Variants in EPHA5 observed in about 807,000 individuals in gnomAD.
The protein encoded by EPHA5 is ephrin type-A receptor 5.
EPHA5 carries 60 observed loss-of-function variants against 105.0 expected under a neutral mutation model. The ratio of observed to expected loss-of-function variants is 0.57; its 90% confidence interval spans 0.46 to 0.71. EPHA5 has a LOEUF of 0.71. Ranked by LOEUF, EPHA5 falls within the 30% of genes least tolerant of loss-of-function variation. The probability of loss-of-function intolerance (pLI) is 0.00; values close to 1 mark genes in which losing one functional copy is unlikely to be tolerated. For missense variants in EPHA5, 1,218 were observed against 1,274.7 expected, an observed-to-expected ratio of 0.96 and a Z score of 0.68; for synonymous variants, 513 against 449.1, an observed-to-expected ratio of 1.14 and a Z score of -1.80.
chr4:65,335,453 G>A (rs750742892), intron 15 of EPHA5, among the ~76,000 whole-genome samples: 2 of 151,998 alleles, frequency 1.3e-5, no homozygotes, highest in South Asian at 4.2e-4. Context: ...TGTGCAACTG[G>A]ATAAGAGCAA....
At chr4:65,518,417 TCACA>T (rs150740850) in intron 3 of EPHA5, among the ~76,000 whole-genome samples, 4 of 150,024 alleles carry the variant, frequency 2.7e-5, no homozygotes, top group Non-Finnish European at 6.0e-5. Flanking sequence ...GTACTTATAT[TCACA>T]CACACACACA....
chr4:65,605,734 T>A (rs559077889), intron 2 of EPHA5, among the ~76,000 whole-genome samples: 1 of 152,182 alleles, frequency 6.6e-6, no homozygotes, highest in South Asian at 2.1e-4. Flanking sequence ...AATGGCACTG[T>A]ATGGGTCTTG....
chr4:65,511,609 A>G (rs918268288), intron 3 of EPHA5, among the ~76,000 whole-genome samples: 1 of 152,210 alleles, frequency 6.6e-6, no homozygotes, highest in Non-Finnish European at 1.5e-5. Flanking sequence ...TGTTTACTCT[A>G]TAACCCCAAT....
At chr4:65,498,561 A>T (rs1366681121) in intron 3 of EPHA5, among the ~76,000 whole-genome samples, 1 of 151,856 alleles carries the variant, frequency 6.6e-6, no homozygotes, top group Non-Finnish European at 1.5e-5. Context: ...TCCAGTAGTG[A>T]TCAATAAAAC....
intron 3 of EPHA5, among the ~76,000 whole-genome samples, chr4:65,566,851 C>T (rs1369678345): frequency 1.3e-5 from 2 of 151,618 alleles, no homozygotes; most frequent in Non-Finnish European, 3.0e-5. Context: ...GGTACATTGA[C>T]ATTTGTTACA....
intron 5 of EPHA5, among the ~76,000 whole-genome samples, chr4:65,444,401 A>G (rs959726521): frequency 1.3e-5 from 2 of 152,166 alleles, no homozygotes; most frequent in Non-Finnish European, 2.9e-5. Flanking sequence ...ATCTCATTTA[A>G]TCTTTATAAA....
At chr4:65,339,023 AGC>A (rs1721450361) in intron 14 of EPHA5, among the ~76,000 whole-genome samples, 1 of 152,190 alleles carries the variant, frequency 6.6e-6, no homozygotes, top group African/African-American at 2.4e-5. Context: ...TTTACAGGCA[AGC>A]TGGCACCAGT....
At chr4:65,412,782 C>T (rs1723033516) in intron 7 of EPHA5, among the ~76,000 whole-genome samples, 1 of 151,938 alleles carries the variant, frequency 6.6e-6, no homozygotes, top group South Asian at 2.1e-4. Context: ...TTTTGGTGTG[C>T]CTGGTAGCTA....
intron 11 of EPHA5, among the ~76,000 whole-genome samples, chr4:65,360,731 T>C (rs959390046): frequency 2.0e-5 from 3 of 151,666 alleles, no homozygotes; most frequent in African/African-American, 4.8e-5. Context: ...TTTTATATAA[T>C]TAAGTTTTTA....
At chr4:65,637,229 T>TTG (rs1415169272) in intron 2 of EPHA5, among the ~76,000 whole-genome samples, 1 of 150,954 alleles carries the variant, frequency 6.6e-6, no homozygotes, top group African/African-American at 2.4e-5. Context: ...AGAAAAGTTT[T>TTG]TTTTTTTTTT....
intron 3 of EPHA5, among the ~76,000 whole-genome samples, chr4:65,589,003 G>A (rs1459670741): frequency 2.0e-5 from 3 of 152,104 alleles, no homozygotes; most frequent in Non-Finnish European, 4.4e-5. Flanking sequence ...CATGTATTGA[G>A]GATTTTCTTT....
At chr4:65,447,292 T>A (rs1726644761) in intron 5 of EPHA5, among the ~76,000 whole-genome samples, 1 of 152,018 alleles carries the variant, frequency 6.6e-6, no homozygotes, top group Non-Finnish European at 1.5e-5. Flanking sequence ...ACTATGATAT[T>A]CACTTAGATA....
At chr4:65,512,662 A>G (rs1419282707) in intron 3 of EPHA5, among the ~76,000 whole-genome samples, 1 of 152,158 alleles carries the variant, frequency 6.6e-6, no homozygotes, top group African/African-American at 2.4e-5. Flanking sequence ...GCAGAAGCCA[A>G]TAGGGCTTCC....
At chr4:65,482,625 G>T (rs1289608095) in intron 5 of EPHA5, among the ~76,000 whole-genome samples, 3 of 152,076 alleles carry the variant, frequency 2.0e-5, no homozygotes, top group African/African-American at 7.2e-5. Context: ...CCTTGGCAAT[G>T]ACATCAAGGT....
chr4:65,669,771 TC>T lies in EPHA5; in HGVS notation c.-30del. On this transcript the variant is annotated 5_prime_UTR_variant, in exon 1 of 17. Transcript: ENST00000613740. ...CTCCGAGCCTCCTCCGGTGCCGCTG[TC>T]CCGAGCGGCTCAGTCCACCGCTTCG... The T allele has an allele frequency of 8.0e-7, 1 of 1,248,376 alleles. No homozygotes were observed. 77.3% of individuals were successfully genotyped at this position (1,248,376 alleles called of 1,614,324 possible). A position where few individuals can be genotyped will look rare whatever the true frequency, so the allele number is the denominator to read the frequency against.
At chr4:65,555,122 C>A (rs557638944) in intron 3 of EPHA5, among the ~76,000 whole-genome samples, 1 of 150,584 alleles carries the variant, frequency 6.6e-6, no homozygotes, top group East Asian at 2.0e-4. Context: ...CCAAAGTTGT[C>A]TCTTTTTTTA....
intron 3 of EPHA5, among the ~76,000 whole-genome samples, chr4:65,557,233 G>GATATATATATAT (rs61008833): frequency 0.11 from 10,151 of 90,530 alleles, 891 homozygotes; most frequent in Admixed American, 0.18. Flanking sequence ...TTTATACTGG[G>GATATATATATAT]ATATATATAT....
rs998131538 is a variant in EPHA5 at position 65,506,988 on chromosome 4, C to T, written c.911-11445G>A. Among the ~76,000 whole-genome samples the T allele has an allele frequency of 3.1e-3, 471 of 151,684 alleles. 3 individuals carry two copies. The highest frequency in any genetic ancestry group is 0.011 in the African/African-American group (447 of 41,108). On this transcript the variant is annotated intron_variant, in intron 3 of 16. Transcript: ENST00000613740. Reference sequence around the variant, plus strand: ...TTGCCTAGGTTTTCTTCTAGGGTTTCTATGGTTTTAGGTCTAACATTTAAG... The same window carrying T: ...TTGCCTAGGTTTTCTTCTAGGGTTTTTATGGTTTTAGGTCTAACATTTAAG...
intron 8 of EPHA5, among the ~76,000 whole-genome samples, chr4:65,381,061 T>A (rs914611351): frequency 6.6e-6 from 1 of 151,658 alleles, no homozygotes; most frequent in African/African-American, 2.4e-5. Context: ...TGTCAAGCTC[T>A]CTGCACTGTT....
Sources: allele counts gnomAD v4.1 joint callset (sites outside exome capture counted in the v4.1 genomes callset), GRCh38; gene constraint gnomAD v4.1.1; transcripts MANE v1.5; gene names NCBI Gene and HGNC (gene_info 2026-07-23, HGNC 2026-07-21).